ADGRD2: variants seen among roughly 807,000 people sequenced by gnomAD.
ADGRD2 encodes adhesion G protein-coupled receptor D2, also known as G protein-coupled receptor PGR24.
ADGRD2 carries 71 observed loss-of-function variants against 44.4 expected under a neutral mutation model. The ratio of observed to expected loss-of-function variants is 1.60; its 90% CI spans 1.32 to 1.95. The LOEUF (loss-of-function observed/expected upper bound fraction) is 1.95. ADGRD2 is among the 30% of genes most tolerant of loss of function. ADGRD2 has a pLI of 0.00. For synonymous variants in ADGRD2, 481 were observed against 224.8 expected (o/e 2.14, Z -10.19); for missense variants, 1,039 against 512.4 (o/e 2.03, Z -9.92).
At chr9:124,464,115 G>C (rs960001246) in intron 10 of ADGRD2, among the ~76,000 whole-genome samples, 1 of 151,690 alleles carries the variant, frequency 6.6e-6, no homozygotes, top group African/African-American at 2.4e-5. Context: ...GAGCCACCAC[G>C]CCCAGCCTTG....
rs1222774327 is a variant in ADGRD2, at chr9:124,454,248, T to C, written c.1022+151T>C. On this transcript the variant is annotated intron_variant, in intron 4 of 21. Transcript: ENST00000334810. The surrounding 1 kb of genome is among the most constrained non-coding windows in gnomAD (Gnocchi z 4.5). ...CCATGGAGTCTAGGCCACAGAGCAG[T>C]GGGTCCAGACGGACCTAAGGGTGAA... 6.6e-6 allele frequency among the ~76,000 whole-genome samples: 1 copy of C among 152,238 alleles called. No individual in the cohort carries two copies. Among genetic ancestry groups the C allele is most frequent in the East Asian group, 1.9e-4 (1 of 5,198 alleles).
intron 10 of ADGRD2, among the ~76,000 whole-genome samples, chr9:124,461,472 A>T (rs191118665): frequency 9.9e-5 from 15 of 152,244 alleles, no homozygotes; most frequent in African/African-American, 3.4e-4. Flanking sequence ...TGAAGGTAAA[A>T]AGGTTGAAGT....
chr9:124,456,076 C>A (rs751503317), intron 6 of ADGRD2, among the ~76,000 whole-genome samples: 8 of 152,268 alleles, frequency 5.3e-5, no homozygotes, highest in Non-Finnish European at 8.8e-5. Context: ...ATTAGGGATC[C>A]GAGGCACTGC....
exon 22 of ADGRD2, chr9:124,478,525 T>G (rs1832090026): frequency 6.6e-6 from 1 of 152,610 alleles, no homozygotes; most frequent in South Asian, 2.1e-4. Flanking sequence ...CCTTCCCCCA[T>G]GCTCCGAAGT....
At chr9:124,463,820 T>G (rs79072473) in intron 10 of ADGRD2, among the ~76,000 whole-genome samples, 4,191 of 152,192 alleles carry the variant, frequency 0.028, 192 homozygotes, top group African/African-American at 0.097. Flanking sequence ...TTTACAATTT[T>G]GCTTATATTT....
chr9:124,458,192 G>A (rs1831653974), exon 9 of ADGRD2: 1 of 718,516 alleles, frequency 1.4e-6, no homozygotes, highest in Non-Finnish European at 2.6e-6. Flanking sequence ...CGGACCTAGA[G>A]CCCCAGGCCC....
intron 19 of ADGRD2, among the ~76,000 whole-genome samples, chr9:124,475,910 GA>G (rs1448088578): frequency 6.6e-6 from 1 of 152,166 alleles, no homozygotes; most frequent in African/African-American, 2.4e-5. Context: ...TAGCCCATCT[GA>G]AAAAAGGAAA....
chr9:124,470,499 C>T (rs1311006279), exon 17 of ADGRD2: 9 of 710,264 alleles, frequency 1.3e-5, no homozygotes, highest in East Asian at 2.7e-5. Context: ...TACAGGGCCA[C>T]GGTGAAGCCC....
At chr9:124,468,794 T>A in intron 14 of ADGRD2, 122 bp downstream of exon 17, 2 of 615,984 alleles carry the variant, frequency 3.2e-6, no homozygotes, top group South Asian at 3.8e-5. Flanking sequence ...CATCCGGCAT[T>A]TAGCGTCACC....
chr9:124,452,504 T>C lies in ADGRD2; in HGVS notation c.69-6T>C. On this transcript the variant is annotated splice_region_variant and splice_polypyrimidine_tract_variant and intron_variant, in intron 1 of 21. Coordinates refer to ENST00000334810, the Ensembl canonical transcript of ADGRD2. Reference sequence around the variant, plus strand: ...CACCCCCCACCGTCTCTCTTATCGTTTTTAGCCCCCGTGGCCGCCGGCGAG... The same window carrying C: ...CACCCCCCACCGTCTCTCTTATCGTCTTTAGCCCCCGTGGCCGCCGGCGAG... 1.4e-6 allele frequency: 1 copy of C among 718,502 alleles called. No individual in the cohort carries two copies. Among genetic ancestry groups the C allele is most frequent in the Non-Finnish European group, 2.6e-6 (1 of 385,096 alleles). 44.5% of individuals were successfully genotyped at this position (718,502 alleles called of 1,614,324 possible).
At chr9:124,463,425 T>A (rs1470045794) in intron 10 of ADGRD2, among the ~76,000 whole-genome samples, 1 of 152,216 alleles carries the variant, frequency 6.6e-6, no homozygotes, top group Non-Finnish European at 1.5e-5. Context: ...TGTTCATGAA[T>A]AATGTGTTCT....
chr9:124,458,759 G>T (rs571169329), intron 10 of ADGRD2, 38 bp downstream of exon 13: 5 of 712,628 alleles, frequency 7.0e-6, no homozygotes, highest in Non-Finnish European at 1.3e-5. Flanking sequence ...CCATCCTGGC[G>T]CACGTGTCCT....
At chr9:124,467,635 G>GA in intron 11 of ADGRD2, 86 bp from the exon 15 acceptor site, 2 of 690,400 alleles carry the variant, frequency 2.9e-6, no homozygotes, top group Non-Finnish European at 5.4e-6. Flanking sequence ...GCGGCGTGGG[G>GA]GGCCTTAGAG....
In ADGRD2 at chr9:124,471,078, C is replaced by T. The variant is rs979877832; in HGVS notation, c.2758+464C>T. Among the ~76,000 whole-genome samples the T allele has an allele frequency of 8.5e-5, 13 of 152,132 alleles. 1 individual carries two copies. Among genetic ancestry groups the T allele is most frequent in the Admixed American group, 2.0e-4 (3 of 15,276 alleles). ...GTTCATGAGGCCACAGGAAAGGGCC[C>T]GGGCTTCCCGGGTCTCTTGGGGCCT... On this transcript the variant is annotated intron_variant, in intron 17 of 21. Transcript: ENST00000334810.
chr9:124,452,446 C>G, intron 1 of ADGRD2, 64 bp from the exon 5 acceptor site: 1 of 716,480 alleles, frequency 1.4e-6, no homozygotes, highest in Non-Finnish European at 2.6e-6. Context: ...TTGGCTCCGC[C>G]CAGCCCTGGA....
chr9:124,467,418 G>C (rs2131250134), intron 11 of ADGRD2: 1 of 347,706 alleles, frequency 2.9e-6, no homozygotes, highest in East Asian at 5.3e-5. Flanking sequence ...GCCCCATTCT[G>C]ATGATACTCC....
rs1258271786 is a variant in ADGRD2 at position 124,467,891 on chromosome 9, C to T, written c.2130+67C>T. 7 of 713,272 alleles carry T rather than the reference C, an allele frequency of 9.8e-6. No homozygotes were observed. The African/African-American group carries it at 1.0e-4, about 11-fold the overall frequency. 44.2% of individuals were successfully genotyped at this position (713,272 alleles called of 1,614,324 possible). A position where few individuals can be genotyped will look rare whatever the true frequency, so the allele number is the denominator to read the frequency against. ...CCCGCCTCGCTCAGGCCTCCATGTC[C>T]CCATTGGTCGGGTGTCCATCCTTGG... On this transcript the variant is annotated intron_variant, in intron 12 of 21. Coordinates refer to ENST00000334810, the Ensembl canonical transcript of ADGRD2.
At chr9:124,452,190 T>C in intron 1 of ADGRD2, 36 bp downstream of exon 4, 2 of 688,412 alleles carry the variant, frequency 2.9e-6, no homozygotes, top group Non-Finnish European at 5.4e-6. Flanking sequence ...AGGGTCCCAG[T>C]CCCCCAGCTA....
chr9:124,470,666 C>G (rs1831931473), intron 17 of ADGRD2, 52 bp downstream of exon 20: 1 of 670,522 alleles, frequency 1.5e-6, no homozygotes, highest in African/African-American at 1.8e-5. Flanking sequence ...CACGAAAGCT[C>G]AGAGGGGACG....
Sources: gnomAD v4.1 joint callset for allele counts (sites outside exome capture counted in the v4.1 genomes callset) on GRCh38, gnomAD v4.1.1 for gene constraint, Gnocchi (gnomAD v3.1) non-coding constraint, MANE v1.5 for transcripts, NCBI Gene and HGNC (gene_info 2026-07-23, HGNC 2026-07-21) for gene names.